TPM1: variants seen among roughly 807,000 people sequenced by gnomAD.
TPM1 encodes the protein tropomyosin alpha-1 chain.
A neutral mutation model predicts 42.9 loss-of-function variants in TPM1; 24 were observed. The ratio of observed to expected loss-of-function variants is 0.56; its 90% CI spans 0.41 to 0.79. TPM1 has a LOEUF of 0.79. Among genes scored for constraint, TPM1 ranks in the 30% least tolerant of loss-of-function variants. The probability of loss-of-function intolerance (pLI) is 0.00; values close to 1 mark genes in which losing one functional copy is unlikely to be tolerated. For synonymous variants in TPM1, 136 were observed against 130.1 expected (o/e 1.05, Z -0.31); for missense variants, 158 against 351.8 (o/e 0.45, Z 4.41).
intron 2 of TPM1, chr15:63,048,810 TC>T: frequency 1.4e-6 from 2 of 1,454,534 alleles, no homozygotes; most frequent in Non-Finnish European, 1.9e-6. Context: ...CGGTCCCTCG[TC>T]CCCACGCCTC....
At chr15:63,069,498 C>T (rs550188057), downstream of TPM1, among the ~76,000 whole-genome samples, 13 of 152,242 alleles carry the variant, frequency 8.5e-5, no homozygotes, top group Admixed American at 1.3e-4. Flanking sequence ...ACGCTGGGCT[C>T]GCCTCCAGCC....
At chr15:63,043,832 G>T in intron 1 of TPM1, 195 bp from the exon 2 acceptor site, 3 of 1,548,680 alleles carry the variant, frequency 1.9e-6, no homozygotes, top group Non-Finnish European at 2.6e-6. Context: ...CGCCGCCAAG[G>T]TACCCGGGGC....
chr15:63,057,494 A>G (rs185423986), intron 3 of TPM1, among the ~76,000 whole-genome samples: 11 of 152,382 alleles, frequency 7.2e-5, no homozygotes, highest in Non-Finnish European at 1.5e-4. Flanking sequence ...ATTTTATAAT[A>G]TACAAGGAGG....
chr15:63,064,766 C>A (rs900130396), intron 9 of TPM1: 8 of 712,812 alleles, frequency 1.1e-5, no homozygotes, highest in Non-Finnish European at 8.6e-6. Context: ...GAGATTGAGA[C>A]CATCCTGGCT....
At chr15:63,070,279 A>C, downstream of TPM1, 2 of 1,025,852 alleles carry the variant, frequency 1.9e-6, no homozygotes, top group Non-Finnish European at 1.2e-6. Context: ...CATGAGTCCT[A>C]CTTTAAGTAT....
intron 1 of TPM1, chr15:63,043,360 G>A (rs919365074): frequency 1.6e-5 from 9 of 567,034 alleles, no homozygotes; most frequent in Non-Finnish European, 2.0e-5. Context: ...TAAACTTGGG[G>A]AGGAGAAGGG....
Position 63,066,086 on chromosome 15 carries a change from G to GT in TPM1, c.*188dup. 2 of 1,516,016 alleles carry GT rather than the reference G, an allele frequency of 1.3e-6. No homozygotes were observed. The highest frequency in any genetic ancestry group is 1.8e-6 in the Non-Finnish European group (2 of 1,139,068). 93.9% of individuals were successfully genotyped at this position (1,516,016 alleles called of 1,614,324 possible). Reference sequence around the variant, plus strand: ...CGTTTCAGTGTCAAATAAACACTGTGTAAGCTATTTCTGTTTGCTATTCTT... The same window carrying GT: ...CGTTTCAGTGTCAAATAAACACTGTGTTAAGCTATTTCTGTTTGCTATTCTT... On this transcript the variant is annotated 3_prime_UTR_variant, in exon 10 of 10. Transcript: ENST00000403994.
intron 2 of TPM1, chr15:63,048,860 G>T (rs1296171565): frequency 1.9e-6 from 2 of 1,032,488 alleles, no homozygotes; most frequent in Non-Finnish European, 2.9e-6. Context: ...CTGGCGGCGG[G>T]CTCTGGGGAG....
downstream of TPM1, among the ~76,000 whole-genome samples, chr15:63,066,647 T>G (rs770272906): frequency 1.4e-4 from 21 of 152,242 alleles, no homozygotes; most frequent in Non-Finnish European, 2.6e-4. Context: ...GTTTTGGTTA[T>G]TGTCGATCAT....
chr15:63,049,235 A>G (rs2033305844), intron 2 of TPM1: 1 of 183,520 alleles, frequency 5.4e-6, no homozygotes, highest in South Asian at 8.4e-5. Flanking sequence ...CCGAGGCGGT[A>G]GACAGACATT....
At chr15:63,062,822 T>G in intron 8 of TPM1, 177 bp downstream of exon 8, 1 of 1,537,324 alleles carries the variant, frequency 6.5e-7, no homozygotes, top group East Asian at 2.4e-5. Flanking sequence ...CTAAGTCTTC[T>G]GCTCACGAGG....
At chr15:63,055,046 G>A (rs988493120) in intron 2 of TPM1, among the ~76,000 whole-genome samples, 1 of 149,776 alleles carries the variant, frequency 6.7e-6, no homozygotes, top group African/African-American at 2.5e-5. Flanking sequence ...AAAGCCTAAT[G>A]GTTTTTAAAA....
chr15:63,060,045 C>A (rs2035401134), intron 4 of TPM1: 1 of 306,966 alleles, frequency 3.3e-6, no homozygotes, highest in South Asian at 3.0e-5. Context: ...AGTGACCTGG[C>A]ACATCCAGAT....
At chr15:63,046,987 G>A (rs923180805) in intron 2 of TPM1, 15 of 152,252 alleles carry the variant, frequency 9.9e-5, no homozygotes, top group African/African-American at 3.6e-4. Context: ...GACCTTCCCA[G>A]GACATTAAGT....
In TPM1 at chr15:63,062,767, G is replaced by T. The variant is rs751198820; in HGVS notation, c.772+122G>T. The T allele has an allele frequency of 4.5e-6, 7 of 1,571,058 alleles. No homozygotes were observed. The African/African-American group carries it at 8.2e-5, about 18-fold the overall frequency. ...TCCTTTGCACTTGCACATTCTTCCT[G>T]TGTGTCCTCTGGGGTTTTTCTCTGT... On this transcript the variant is annotated intron_variant, in intron 8 of 9. Transcript: ENST00000403994.
At chr15:63,053,691 TTG>T (rs1438169047) in intron 2 of TPM1, among the ~76,000 whole-genome samples, 11,615 of 43,848 alleles carry the variant, frequency 0.26, 886 homozygotes, top group East Asian at 0.61. Flanking sequence ...TTTTTTTTTT[TTG>T]TTTTTGAGAC....
intron 2 of TPM1, chr15:63,055,999 G>GTAT (rs1383694512): frequency 1.3e-5 from 2 of 152,166 alleles, no homozygotes; most frequent in African/African-American, 4.8e-5. Flanking sequence ...TACTTTTCTT[G>GTAT]TATTAACCTT....
At chr15:63,063,209 T>G (rs1385314426) in intron 8 of TPM1, 1 of 985,332 alleles carries the variant, frequency 1.0e-6, no homozygotes, top group African/African-American at 1.7e-5. Context: ...ACAGATATCC[T>G]AAATGTTGAG....
chr15:63,061,935 C>CT (rs1566966327), intron 6 of TPM1, 147 bp downstream of exon 6: 15 of 763,582 alleles, frequency 2.0e-5, no homozygotes, highest in Non-Finnish European at 2.6e-5. Context: ...ATAACAAATT[C>CT]TTTTTTTTAA....
Sources: gnomAD v4.1 joint callset for allele counts (sites outside exome capture counted in the v4.1 genomes callset) on GRCh38, gnomAD v4.1.1 for gene constraint, MANE v1.5 for transcripts, NCBI Gene and HGNC (gene_info 2026-07-23, HGNC 2026-07-21) for gene names.